The following TRPC3 variants were observed in gnomAD, a reference collection of about 807,000 sequenced individuals.
The protein encoded by TRPC3 is short transient receptor potential channel 3.
TRPC3 carries 54 observed loss-of-function variants against 90.9 expected under a neutral mutation model. The observed-to-expected ratio is 0.59, with a 90% CI of 0.48 to 0.75. The LOEUF is 0.75. Among genes scored for constraint, TRPC3 ranks in the 30% least tolerant of loss-of-function variants. The pLI, the probability that TRPC3 is intolerant of heterozygous loss-of-function variation, is 0.00. For missense variants in TRPC3, 918 were observed against 1,194.5 expected, an observed-to-expected ratio of 0.77 and a Z score of 3.41; for synonymous variants, 424 against 450.9, an observed-to-expected ratio of 0.94 and a Z score of 0.75.
At chr4:121,902,613 T>C (rs1385504658) in intron 9 of TRPC3, among the ~76,000 whole-genome samples, 1 of 152,204 alleles carries the variant, frequency 6.6e-6, no homozygotes, top group Non-Finnish European at 1.5e-5. Flanking sequence ...AAAGGCTTTT[T>C]TGTTTGTTTT....
chr4:121,948,093 T>C (rs1396465899), intron 1 of TRPC3, among the ~76,000 whole-genome samples: 5 of 152,014 alleles, frequency 3.3e-5, no homozygotes, highest in Non-Finnish European at 5.9e-5. Context: ...ACAATTCCCA[T>C]CAGACAGCTT....
In TRPC3 at chr4:121,932,380, C is replaced by T. The variant is rs35202276; in HGVS notation, c.878G>A (p.Gly293Glu). The T allele has an allele frequency of 6.8e-6, 11 of 1,614,138 alleles. No individual in the cohort carries two copies. Among genetic ancestry groups the T allele is most frequent in the Non-Finnish European group, 9.3e-6 (11 of 1,180,016 alleles). Residue 293 changes from glycine to glutamate, a missense_variant, in exon 2 of 12, where the codon GGG (glycine) becomes GAG (glutamate). By Grantham distance (98) the Gly-to-Glu change is moderately conservative (BLOSUM62 -2). This residue lies in a region of TRPC3 where 609 missense variants were observed against 725.9 expected (regional missense o/e 0.84). Transcript: ENST00000379645. The surrounding 1 kb of genome is among the most constrained non-coding windows in gnomAD (Gnocchi z 7.7). ...HSRSRINAYKGLASPAYLSLS... is the reference protein window; with the variant it reads ...HSRSRINAYKELASPAYLSLS... The stretch of plus-strand genomic sequence containing the variant: ...TGAGAGGTAAGCCGGGCTGGCCAGC[C>T]CCTTGTAGGCATTGATCCTCGAGCG...
chr4:121,875,151 A>T lies in TRPC3; in HGVS notation c.*4585T>A, dbSNP rs987871100. Among the ~76,000 whole-genome samples, 10 of 151,854 alleles carry T rather than the reference A, an allele frequency of 6.6e-5. No individual in the cohort carries two copies. Among genetic ancestry groups the T allele is most frequent in the Admixed American group, 6.6e-4 (10 of 15,242 alleles). ...ATAGGTAAAAAAAAAAACACCAAAGACAGACAATGCTGGCAGTGCTTACTT... is the reference window on the plus strand; with the variant it reads ...ATAGGTAAAAAAAAAAACACCAAAGTCAGACAATGCTGGCAGTGCTTACTT... On this transcript the variant is annotated 3_prime_UTR_variant, in exon 12 of 12. Coordinates refer to ENST00000379645, the MANE Select transcript of TRPC3 (RefSeq NM_001130698.2).
At position 121,932,886 on chromosome 4, in the gene TRPC3, G is replaced by A. The variant is rs1380323510; in HGVS notation, c.372C>T (p.Asn124=). ...CCAGCATCTTGCGCACCACTGGGAT[G>A]TTGCCGTACTCGGCGGCGTCGAGGA... ...ERFLDAAEYG[N]IPVVRKMLEE... The change falls in exon 2 of 12, where the codon AAC becomes AAT. Residue 124 remains asparagine, a synonymous_variant. Transcript: ENST00000379645. This position sits in a 1 kb window ranked among gnomAD's most constrained non-coding sequence, Gnocchi z 7.7. 5 of 1,613,952 alleles carry A rather than the reference G, an allele frequency of 3.1e-6. No individual in the cohort carries two copies. Among genetic ancestry groups the A allele is most frequent in the Non-Finnish European group, 4.2e-6 (5 of 1,179,994 alleles).
chr4:121,900,234 C>T (rs1177980684), intron 9 of TRPC3, among the ~76,000 whole-genome samples: 1 of 152,166 alleles, frequency 6.6e-6, no homozygotes, highest in African/African-American at 2.4e-5. Context: ...ATTTTGGTTT[C>T]CTTTTCTTTT....
At chr4:121,946,080 T>G (rs989962864) in intron 1 of TRPC3, among the ~76,000 whole-genome samples, 6 of 151,804 alleles carry the variant, frequency 4.0e-5, no homozygotes, top group Non-Finnish European at 7.4e-5. Flanking sequence ...ATATAAAAAC[T>G]AGGGGATCAG....
At chr4:121,882,655 G>A (rs544779998) in intron 10 of TRPC3, among the ~76,000 whole-genome samples, 52 of 151,996 alleles carry the variant, frequency 3.4e-4, no homozygotes, top group African/African-American at 1.0e-3. Context: ...CCTCAGAAAC[G>A]GAAGAAGCTT....
chr4:121,885,790 T>C (rs1728094204), intron 10 of TRPC3, among the ~76,000 whole-genome samples: 1 of 147,760 alleles, frequency 6.8e-6, no homozygotes, highest in Non-Finnish European at 1.5e-5. Flanking sequence ...CAGATTCATC[T>C]TTTTTCCCTC....
intron 3 of TRPC3, among the ~76,000 whole-genome samples, chr4:121,920,853 A>G (rs1729476037): frequency 6.6e-6 from 1 of 152,204 alleles, no homozygotes; most frequent in African/African-American, 2.4e-5. Context: ...AAGAAGATCA[A>G]TCTTTTGTGA....
intron 10 of TRPC3, among the ~76,000 whole-genome samples, chr4:121,882,961 TAA>T (rs1727993672): frequency 6.6e-6 from 1 of 152,098 alleles, no homozygotes; most frequent in African/African-American, 2.4e-5. Context: ...CTAATTACTG[TAA>T]GTATTATATT....
At chr4:121,939,010 A>G (rs1298545810) in intron 1 of TRPC3, among the ~76,000 whole-genome samples, 1 of 152,168 alleles carries the variant, frequency 6.6e-6, no homozygotes, top group Non-Finnish European at 1.5e-5. Context: ...ACTATCCTGT[A>G]AACATATTAT....
Position 121,937,158 on chromosome 4 carries a change from C to A in TRPC3, c.216-4116G>T, listed in dbSNP as rs368355380. Among the ~76,000 whole-genome samples, 54 of 152,352 alleles carry A rather than the reference C, an allele frequency of 3.5e-4. 1 individual carries two copies. In the South Asian group the frequency reaches 0.011, roughly 31 times the overall value. The stretch of plus-strand genomic sequence containing the variant: ...CTGAGTACCACCTGCCTCAAGGTCA[C>A]TTGGACTGCTTGTTGAAATCAGATT... On this transcript the variant is annotated intron_variant, in intron 1 of 11. Coordinates refer to ENST00000379645, the MANE Select transcript of TRPC3 (RefSeq NM_001130698.2).
rs1729961407 is a variant in TRPC3 at position 121,932,297 on chromosome 4, G to A, written c.961C>T (p.Leu321=). The A allele has an allele frequency of 1.2e-6, 2 of 1,614,014 alleles. No homozygotes were observed. The highest frequency in any genetic ancestry group is 2.2e-5 in the East Asian group (1 of 44,884). ...ALELSNELAK[L]ANIEKEFKND... ...TTGAACTCCTTCTCTATGTTGGCCA[G>A]CTTGGCCAGCTCGTTGCTGAGCTCT... The change falls in exon 2 of 12, where the codon CTG becomes TTG. Residue 321 remains leucine, a synonymous_variant. Transcript: ENST00000379645. This position sits in a 1 kb window ranked among gnomAD's most constrained non-coding sequence, Gnocchi z 7.7.
chr4:121,943,619 T>C (rs1421886568), intron 1 of TRPC3, among the ~76,000 whole-genome samples: 2 of 152,144 alleles, frequency 1.3e-5, no homozygotes, highest in Non-Finnish European at 2.9e-5. Flanking sequence ...ATTCAGTCTA[T>C]ACTTGAACAA....
At chr4:121,938,021 A>T (rs1282786883) in intron 1 of TRPC3, among the ~76,000 whole-genome samples, 1 of 131,374 alleles carries the variant, frequency 7.6e-6, no homozygotes, top group African/African-American at 4.1e-5. Context: ...AATTTATTTA[A>T]AAAAAAAAAA....
intron 10 of TRPC3, among the ~76,000 whole-genome samples, chr4:121,891,122 C>T (rs752439119): frequency 1.2e-4 from 19 of 152,208 alleles, no homozygotes; most frequent in Non-Finnish European, 2.4e-4. Flanking sequence ...CTAAAACCTC[C>T]GGTCAACTAT....
intron 10 of TRPC3, among the ~76,000 whole-genome samples, chr4:121,884,233 A>G (rs1281122126): frequency 1.3e-5 from 2 of 152,192 alleles, no homozygotes; most frequent in Non-Finnish European, 2.9e-5. Flanking sequence ...AATCTGTAGA[A>G]TATATTTTTA....
intron 1 of TRPC3, among the ~76,000 whole-genome samples, chr4:121,942,526 G>A (rs112049778): frequency 4.0e-4 from 61 of 152,246 alleles, no homozygotes; most frequent in African/African-American, 1.3e-3. Flanking sequence ...CCAAGATTGC[G>A]CTGCTGCACT....
At chr4:121,898,958 C>T (rs747924170) in intron 10 of TRPC3, among the ~76,000 whole-genome samples, 2 of 152,088 alleles carry the variant, frequency 1.3e-5, no homozygotes, top group Non-Finnish European at 2.9e-5. Flanking sequence ...TAGAACAATA[C>T]GCAGTAACGG....
Sources: gnomAD v4.1 joint callset for allele counts (sites outside exome capture counted in the v4.1 genomes callset) on GRCh38, gnomAD v4.1.1 for gene constraint, gnomAD v4.1.1 regional missense constraint, Gnocchi (gnomAD v3.1) non-coding constraint, MANE v1.5 for transcripts, NCBI Gene and HGNC (gene_info 2026-07-23, HGNC 2026-07-21) for gene names.